The following HMCN2 variants were observed in gnomAD, a reference collection of about 807,000 sequenced individuals.
HMCN2 encodes the protein hemicentin-2.
HMCN2 carries 325 observed loss-of-function variants against 377.5 expected under a neutral mutation model. The observed-to-expected ratio is 0.86, with a 90% CI of 0.79 to 0.94. The LOEUF (loss-of-function observed/expected upper bound fraction) is 0.94, where lower values mean the gene tolerates loss of function less well. Among genes scored for constraint, HMCN2 ranks in the 40% least tolerant of loss-of-function variants. The pLI is 0.00. For synonymous variants in HMCN2, 2,007 were observed against 2,046.8 expected (o/e 0.98, Z 0.53); for missense variants, 4,543 against 4,725.3 (o/e 0.96, Z 1.13).
Position 130,424,765 on chromosome 9 carries a change from G to A in HMCN2, c.13382-11G>A. On this transcript the variant is annotated splice_polypyrimidine_tract_variant and intron_variant, in intron 87 of 97. Coordinates refer to ENST00000683500, the MANE Select transcript of HMCN2 (RefSeq NM_001291815.2). ...AGCTCTAACCCGGCCTCTATGCCCT[G>A]CCCCACCCAGGGCCTCTGATGCGGG... is the stretch of plus-strand genomic sequence containing the variant. The A allele has an allele frequency of 6.5e-7, 1 of 1,531,096 alleles. No homozygotes were observed. The highest frequency in any genetic ancestry group is 8.8e-7 in the Non-Finnish European group (1 of 1,137,490). The allele number at this position is 1,531,096 out of a possible 1,614,324, so 94.8% of individuals were successfully genotyped here. A position where few individuals can be genotyped will look rare whatever the true frequency, so the allele number is the denominator to read the frequency against.
intron 7 of HMCN2, among the ~76,000 whole-genome samples, chr9:130,298,350 C>A (rs1261348715): frequency 6.6e-6 from 1 of 152,114 alleles, no homozygotes; most frequent in Non-Finnish European, 1.5e-5. Context: ...CACAGCAAGA[C>A]CCCATCTCTA....
intron 86 of HMCN2, among the ~76,000 whole-genome samples, chr9:130,420,602 T>G (rs772430512): frequency 1.1e-4 from 17 of 152,046 alleles, no homozygotes; most frequent in Non-Finnish European, 2.4e-4. Context: ...CTGAACACTG[T>G]GGGGAGGATC....
rs747267385 is a variant in HMCN2 at position 130,386,503 on chromosome 9, A to G, written c.9370A>G (p.Thr3124Ala). Residue 3124 changes from threonine (T) to alanine (A), a missense_variant, in exon 61 of 98, where the codon ACC becomes GCC. Physicochemically the swap from Thr to Ala is moderately conservative, Grantham distance 58. This residue lies in a region of HMCN2 where 736 missense variants were observed against 773.2 expected (regional missense o/e 0.95). Transcript: ENST00000683500. ...CAACGTGGCTGGGGAGGCCGTGCGG[A>G]CCTTCACCCTCACCGTCCAGGGTAA... ...VSNVAGEAVR[T>A]FTLTVQVPPT... The G allele has an allele frequency of 1.5e-6, 2 of 1,303,552 alleles. No homozygotes were observed. Among genetic ancestry groups the G allele is most frequent in the South Asian group, 2.5e-5 (2 of 81,000 alleles). The allele number at this position is 1,303,552 out of a possible 1,614,324, so 80.7% of individuals were successfully genotyped here. A position where few individuals can be genotyped will look rare whatever the true frequency, so the allele number is the denominator to read the frequency against.
chr9:130,283,423 A>G (rs1172825940), intron 1 of HMCN2, among the ~76,000 whole-genome samples: 1 of 15,220 alleles, frequency 6.6e-5, no homozygotes, highest in African/African-American at 2.5e-4. Context: ...CCCCCAACCC[A>G]CCCCCCACTC....
chr9:130,359,050 T>C (rs1437983597), intron 36 of HMCN2, among the ~76,000 whole-genome samples: 2 of 152,172 alleles, frequency 1.3e-5, no homozygotes, highest in African/African-American at 4.8e-5. Flanking sequence ...TCCTCGTCCT[T>C]GTCCCTTCCC....
rs533490024 is a variant in HMCN2, at chr9:130,403,902, G to T, written c.12148+27G>T. 3 of 1,281,348 alleles carry T rather than the reference G, an allele frequency of 2.3e-6. No homozygotes were observed. The East Asian group carries it at 1.7e-4, about 72-fold the overall frequency. The allele number at this position is 1,281,348 out of a possible 1,614,324, so 79.4% of individuals were successfully genotyped here. Reference sequence around the variant, plus strand: ...TGGGAGTGAGGACGGGGCCGAGGTGGGCCCTGGCAACTGAGGGGCTTTGAG... The same window carrying T: ...TGGGAGTGAGGACGGGGCCGAGGTGTGCCCTGGCAACTGAGGGGCTTTGAG... On this transcript the variant is annotated intron_variant, in intron 80 of 97. Transcript: ENST00000683500.
intron 8 of HMCN2, among the ~76,000 whole-genome samples, chr9:130,301,933 C>T (rs541842409): frequency 3.9e-4 from 59 of 152,318 alleles, no homozygotes; most frequent in African/African-American, 9.6e-4. Context: ...AGACCAGGCT[C>T]GGGCCAGGGA....
intron 1 of HMCN2, among the ~76,000 whole-genome samples, chr9:130,280,144 G>T (rs1386149878): frequency 8.8e-6 from 1 of 113,976 alleles, no homozygotes; most frequent in Non-Finnish European, 1.7e-5. Context: ...AGCTGTGTGT[G>T]TGTGTGTTTT....
In HMCN2 at chr9:130,408,394, G is replaced by A. The variant is rs550881952; in HGVS notation, c.12689-349G>A. 8.5e-5 allele frequency among the ~76,000 whole-genome samples: 13 copies of A among 152,250 alleles called. No individual in the cohort carries two copies. The East Asian group carries it at 1.7e-3, about 20-fold the overall frequency. On this transcript the variant is annotated intron_variant, in intron 83 of 97. Transcript: ENST00000683500. Reference sequence around the variant, plus strand: ...TTCCAAAGTACCTGGCAGGTACTCCGCTGCTAGTGTAATCCATCTGTGAAA... The same window carrying A: ...TTCCAAAGTACCTGGCAGGTACTCCACTGCTAGTGTAATCCATCTGTGAAA...
chr9:130,286,295 G>A lies in HMCN2; in HGVS notation c.597G>A (p.Lys199=), dbSNP rs1554927696. Reference sequence around the variant, plus strand: ...CTGGGCAGGTGTTCCACCTGGACAAGCAGCAAGTGACAGAGGTGAGCACTG... The same window carrying A: ...CTGGGCAGGTGTTCCACCTGGACAAACAGCAAGTGACAGAGGTGAGCACTG... ...TSSGQVFHLD[K]QQVTEVLKWV... is the part of the protein sequence containing the mutation. Residue 199 remains lysine (K), a synonymous_variant, in exon 4 of 98, where the codon AAG becomes AAA. Transcript: ENST00000683500. 8.5e-6 allele frequency: 4 copies of A among 470,964 alleles called. No individual in the cohort carries two copies. Among genetic ancestry groups the A allele is most frequent in the African/African-American group, 4.0e-5 (2 of 50,096 alleles). 29.2% of individuals were successfully genotyped at this position (470,964 alleles called of 1,614,324 possible). A position where few individuals can be genotyped will look rare whatever the true frequency, so the allele number is the denominator to read the frequency against.
At chr9:130,384,834 C>G in intron 59 of HMCN2, 36 bp downstream of exon 59, 1 of 1,235,316 alleles carries the variant, frequency 8.1e-7, no homozygotes, top group Non-Finnish European at 1.1e-6. Flanking sequence ...GTACTGTCCC[C>G]ACTCCTTCAG....
chr9:130,330,545 G>A (rs1248768666), intron 22 of HMCN2, among the ~76,000 whole-genome samples: 3 of 152,044 alleles, frequency 2.0e-5, no homozygotes, highest in East Asian at 3.9e-4. Context: ...ATAGACGCAC[G>A]CACAGGGACA....
In HMCN2 at chr9:130,411,598, CA is replaced by C. The variant is rs35719589; in HGVS notation, c.12961+966del. 4.2e-3 allele frequency among the ~76,000 whole-genome samples: 408 copies of C among 97,766 alleles called. 1 individual carries two copies. Among genetic ancestry groups the C allele is most frequent in the African/African-American group, 0.017 (369 of 22,176 alleles). 64.1% of individuals were successfully genotyped at this position (97,766 alleles called of 152,430 possible). On this transcript the variant is annotated intron_variant, in intron 85 of 97. Coordinates refer to ENST00000683500, the MANE Select transcript of HMCN2 (RefSeq NM_001291815.2). ...CTGGTTGACAGGCAAGACTCAATCTCAAAAAAAAAAAAAAAAAAAAGAACAA... is the reference window on the plus strand; with the variant it reads ...CTGGTTGACAGGCAAGACTCAATCTCAAAAAAAAAAAAAAAAAAAGAACAA...
Position 130,408,940 on chromosome 9 carries a change from CGGGGCCTGGCACCTTGGGT to C in HMCN2, c.12879+14_12879+32del. ...GACCATCCGCAGGACTGAGGCAAGGCGGGGCCTGGCACCTTGGGTGGGGCCACTGAGGACAACTCTACGC... is the reference window on the plus strand; with the variant it reads ...GACCATCCGCAGGACTGAGGCAAGGCGGGGCCACTGAGGACAACTCTACGC... On this transcript the variant is annotated splice_region_variant and intron_variant, in intron 84 of 97. Transcript: ENST00000683500. 7.8e-7 allele frequency: 1 copy of C among 1,286,434 alleles called. No individual in the cohort carries two copies. Among genetic ancestry groups the C allele is most frequent in the African/African-American group, 1.5e-5 (1 of 65,934 alleles). The allele number at this position is 1,286,434 out of a possible 1,614,324, so 79.7% of individuals were successfully genotyped here. A position where few individuals can be genotyped will look rare whatever the true frequency, so the allele number is the denominator to read the frequency against.
chr9:130,277,772 C>CCACCATCATCATCATCACCACCAT (rs1564739366), intron 1 of HMCN2, among the ~76,000 whole-genome samples: 8 of 96,594 alleles, frequency 8.3e-5, no homozygotes, highest in Non-Finnish European at 1.8e-4. Flanking sequence ...ATCACCACCA[C>CCACCATCATCATCATCACCACCAT]CATCATCATC....
At position 130,289,902 on chromosome 9, in the gene HMCN2, G is replaced by A. The variant is rs374234994; in HGVS notation, c.612+3592G>A. Among the ~76,000 whole-genome samples the A allele has an allele frequency of 8.3e-4, 127 of 152,288 alleles. 1 individual carries two copies. The highest frequency in any genetic ancestry group is 2.7e-3 in the African/African-American group (114 of 41,562). ...TCCTCTGTGTTCTCATCTGTGCCTC[G>A]GGGGCCCATTCGCCCCCTGGCTTTC... On this transcript the variant is annotated intron_variant, in intron 4 of 97. Coordinates refer to ENST00000683500, the MANE Select transcript of HMCN2 (RefSeq NM_001291815.2).
chr9:130,269,841 C>T (rs1445019844), intron 1 of HMCN2, among the ~76,000 whole-genome samples: 2 of 147,162 alleles, frequency 1.4e-5, no homozygotes. Context: ...GATGGAGTCT[C>T]GCTCTGTTGC....
chr9:130,430,420 T>A lies in HMCN2; in HGVS notation c.14463T>A (p.Asn4821Lys). 1 of 1,550,504 alleles carries A rather than the reference T, an allele frequency of 6.4e-7. No homozygotes were observed. The highest frequency in any genetic ancestry group is 8.7e-7 in the Non-Finnish European group (1 of 1,146,970). ...DGKACTSLERNGQNVTTVSHR... is the reference protein window; with the variant it reads ...DGKACTSLERKGQNVTTVSHR... ...AGGCCTGCACCTCACTGGAGCGGAA[T>A]GGACAAAATGTGACCACCGTCAGCC... is the stretch of plus-strand genomic sequence containing the variant. Residue 4821 changes from asparagine (N) to lysine (K), a missense_variant, in exon 95 of 98, where the codon AAT becomes AAA. Coordinates refer to ENST00000683500, the MANE Select transcript of HMCN2 (RefSeq NM_001291815.2).
chr9:130,316,938 C>A (rs1157129180), intron 15 of HMCN2, among the ~76,000 whole-genome samples: 1 of 152,148 alleles, frequency 6.6e-6, no homozygotes, highest in Non-Finnish European at 1.5e-5. Context: ...CAGCTCTGGC[C>A]TATGAGGGTC....
Sources: gnomAD v4.1 joint callset for allele counts (sites outside exome capture counted in the v4.1 genomes callset) on GRCh38, gnomAD v4.1.1 for gene constraint, gnomAD v4.1.1 regional missense constraint, MANE v1.5 for transcripts, NCBI Gene and HGNC (gene_info 2026-07-23, HGNC 2026-07-21) for gene names.